ALS2: variants seen among roughly 807,000 people sequenced by gnomAD.
ALS2 encodes the protein alsin Rho guanine nucleotide exchange factor ALS2, also known as alsin.
A neutral mutation model predicts 203.4 loss-of-function variants in ALS2; 117 were observed. The observed-to-expected ratio is 0.58, with a 90% confidence interval of 0.50 to 0.67. ALS2 has a LOEUF of 0.67. ALS2 is among the 30% of genes least tolerant of loss of function. The pLI, the probability that ALS2 is intolerant of heterozygous loss-of-function variation, is 0.00. For synonymous variants in ALS2, 718 were observed against 725.9 expected, an observed-to-expected ratio of 0.99 and a Z score of 0.17; for missense variants, 1,715 against 1,989.4, an observed-to-expected ratio of 0.86 and a Z score of 2.62.
intron 7 of ALS2, among the ~76,000 whole-genome samples, chr2:201,751,487 C>T (rs572537364): frequency 6.6e-6 from 1 of 152,112 alleles, no homozygotes; most frequent in East Asian, 1.9e-4. Flanking sequence ...ATTTCTACTT[C>T]TTTTATGACG....
chr2:201,737,846 C>T (rs1691981548), intron 12 of ALS2, among the ~76,000 whole-genome samples: 1 of 151,816 alleles, frequency 6.6e-6, no homozygotes. Context: ...TGCTTGAACC[C>T]AGGAGGCAGA....
Position 201,760,950 on chromosome 2 carries a change from G to A in ALS2, c.1044C>T (p.Tyr348=), listed in dbSNP as rs1693726956. 2 of 1,614,130 alleles carry A rather than the reference G, an allele frequency of 1.2e-6. No individual in the cohort carries two copies. The highest frequency in any genetic ancestry group is 1.7e-6 in the Non-Finnish European group (2 of 1,180,024). The change falls in exon 4 of 34, where the codon TAC becomes TAT. Residue 348 remains tyrosine, a synonymous_variant. Coordinates refer to ENST00000264276, the MANE Select transcript of ALS2 (RefSeq NM_020919.4). ...CTGAATGATCTGACAGTTTCCGTAG[G>A]TATTCATTGACTGCTTGGGTGTCAG... ...SYPDTQAVNE[Y]LRKLSDHSVR...
At chr2:201,779,043 G>T (rs1203188575) in intron 1 of ALS2, among the ~76,000 whole-genome samples, 3 of 152,072 alleles carry the variant, frequency 2.0e-5, no homozygotes. Context: ...TTCATGAAAA[G>T]GTAGGAGATT....
Position 201,753,259 on chromosome 2 carries a change from C to T in ALS2, c.1641-17G>A. ...GGTTGAAGCCTTAAAAAGAAACACA[C>T]AGGCACACAAAGTCAAAGTATTCTC... On this transcript the variant is annotated splice_polypyrimidine_tract_variant and intron_variant, in intron 6 of 33. Coordinates refer to ENST00000264276, the MANE Select transcript of ALS2 (RefSeq NM_020919.4). The T allele has an allele frequency of 6.3e-7, 1 of 1,598,510 alleles. No individual in the cohort carries two copies. The highest frequency in any genetic ancestry group is 8.6e-7 in the Non-Finnish European group (1 of 1,165,872).
chr2:201,714,558 G>A (rs1240452088), intron 25 of ALS2, among the ~76,000 whole-genome samples: 1 of 152,158 alleles, frequency 6.6e-6, no homozygotes, highest in Non-Finnish European at 1.5e-5. Flanking sequence ...AATCTTACTT[G>A]TGAGTACAAC....
At position 201,746,612 on chromosome 2, in the gene ALS2, T is replaced by C; in HGVS notation, c.1952A>G (p.Glu651Gly). Residue 651 changes from glutamate to glycine, a missense_variant, in exon 9 of 34, where the codon GAG becomes GGG. By Grantham distance (98) the Glu-to-Gly change is moderately conservative. Coordinates refer to ENST00000264276, the MANE Select transcript of ALS2 (RefSeq NM_020919.4). ...QDPTEGDNLP[E>G]NHSGSKTPVL... ...TGGAGTCTTAGAACCACTGTGATTC[T>C]CTGGAAGGTTGTCACCTTCTGTAGG... 6.2e-7 allele frequency: 1 copy of C among 1,614,168 alleles called. No individual in the cohort carries two copies. The highest frequency in any genetic ancestry group is 8.5e-7 in the Non-Finnish European group (1 of 1,180,030).
chr2:201,707,452 C>A (rs1215030794), intron 28 of ALS2, among the ~76,000 whole-genome samples: 1 of 151,024 alleles, frequency 6.6e-6, no homozygotes, highest in Non-Finnish European at 1.5e-5. Flanking sequence ...TTTTTTGAGA[C>A]AGGTCTCACT....
At chr2:201,774,158 T>C (rs946302637) in intron 1 of ALS2, among the ~76,000 whole-genome samples, 12 of 151,722 alleles carry the variant, frequency 7.9e-5, no homozygotes, top group Non-Finnish European at 1.0e-4. Context: ...TTGCTGGAGG[T>C]TGGGGAGATG....
chr2:201,710,355 G>C (rs1689962450), intron 26 of ALS2, among the ~76,000 whole-genome samples: 1 of 151,788 alleles, frequency 6.6e-6, no homozygotes, highest in Non-Finnish European at 1.5e-5. Flanking sequence ...CCAGCTACTA[G>C]GGAGGCTGAG....
At position 201,726,712 on chromosome 2, in the gene ALS2, T is replaced by A. The variant is rs781051642; in HGVS notation, c.3134A>T (p.Lys1045Met). ...CCAGCGTCCATCATAGGTGGCATCC[T>A]TTAGGCGAGGATCCTTGTAGAAAGT... The part of the protein sequence containing the change: ...KYTFYKDPRL[K>M]DATYDGRWLS... The change falls in exon 18 of 34, where the codon AAG becomes ATG. Residue 1045 changes from lysine to methionine, a missense_variant. Coordinates refer to ENST00000264276, the MANE Select transcript of ALS2 (RefSeq NM_020919.4). 6 of 1,614,084 alleles carry A rather than the reference T, an allele frequency of 3.7e-6. No homozygotes were observed. Among genetic ancestry groups the A allele is most frequent in the Non-Finnish European group, 5.1e-6 (6 of 1,180,042 alleles).
At chr2:201,734,143 C>T (rs1236425103) in intron 12 of ALS2, among the ~76,000 whole-genome samples, 5 of 152,138 alleles carry the variant, frequency 3.3e-5, no homozygotes, top group African/African-American at 1.2e-4. Flanking sequence ...CCCATTCAGG[C>T]TTAGCTCACC....
chr2:201,768,811 A>G, intron 2 of ALS2, 55 bp downstream of exon 2: 2 of 1,533,970 alleles, frequency 1.3e-6, no homozygotes, highest in Non-Finnish European at 1.8e-6. Context: ...ACATATGTGA[A>G]GCTGTTTGCT....
intron 11 of ALS2, among the ~76,000 whole-genome samples, chr2:201,739,893 G>C (rs1410910562): frequency 6.6e-6 from 1 of 152,196 alleles, no homozygotes; most frequent in Non-Finnish European, 1.5e-5. Flanking sequence ...TACATTTCTT[G>C]TACACACTTG....
intron 1 of ALS2, among the ~76,000 whole-genome samples, chr2:201,776,367 T>G (rs1427104296): frequency 6.6e-6 from 1 of 152,202 alleles, no homozygotes; most frequent in Non-Finnish European, 1.5e-5. Flanking sequence ...AAATTATTCA[T>G]GGTGGAGTGG....
At position 201,742,216 on chromosome 2, in the gene ALS2, T is replaced by C. The variant is rs150288841; in HGVS notation, c.2171-362A>G. Among the ~76,000 whole-genome samples, 147 of 152,366 alleles carry C rather than the reference T, an allele frequency of 9.6e-4. 2 individuals are homozygous for C. The highest frequency in any genetic ancestry group is 3.2e-3 in the African/African-American group (134 of 41,580). The stretch of plus-strand genomic sequence containing the variant: ...AAGCCAAGAGAAGGGAAGTCAATTA[T>C]CTAACTTAAGCCACTGATTAGTGAC... On this transcript the variant is annotated intron_variant, in intron 10 of 33. Coordinates refer to ENST00000264276, the MANE Select transcript of ALS2 (RefSeq NM_020919.4).
chr2:201,709,141 C>T (rs981364158), intron 27 of ALS2, among the ~76,000 whole-genome samples: 6 of 152,160 alleles, frequency 3.9e-5, no homozygotes, highest in Non-Finnish European at 8.8e-5. Context: ...CTGTTTGTTG[C>T]CTGGAACTCT....
At chr2:201,767,866 T>TAAAAA (rs35608860) in intron 2 of ALS2, among the ~76,000 whole-genome samples, 1 of 112,102 alleles carries the variant, frequency 8.9e-6, no homozygotes, top group Non-Finnish European at 1.8e-5. Flanking sequence ...AGACTCTGTC[T>TAAAAA]AAAAAAAAAA....
intron 23 of ALS2, among the ~76,000 whole-genome samples, chr2:201,718,842 C>CCTAT (rs1472683643): frequency 6.6e-6 from 1 of 152,074 alleles, no homozygotes; most frequent in Non-Finnish European, 1.5e-5. Flanking sequence ...GCTGTTAACA[C>CCTAT]CTATCTTTTC....
chr2:201,732,594 A>T (rs1191380473), intron 13 of ALS2, among the ~76,000 whole-genome samples: 3 of 151,862 alleles, frequency 2.0e-5, no homozygotes, highest in Non-Finnish European at 2.9e-5. Flanking sequence ...CAACAACAAT[A>T]AAAAAAACCT....
Sources: gnomAD v4.1 joint callset for allele counts (sites outside exome capture counted in the v4.1 genomes callset) on GRCh38, gnomAD v4.1.1 for gene constraint, MANE v1.5 for transcripts, NCBI Gene and HGNC (gene_info 2026-07-23, HGNC 2026-07-21) for gene names.